The following DCBLD1 variants were observed in gnomAD, a reference collection of about 807,000 sequenced individuals.
DCBLD1 encodes discoidin, CUB and LCCL domain-containing protein 1.
Under a neutral mutation model 71.5 loss-of-function variants are expected in DCBLD1, and 57 were observed. The observed-to-expected ratio is 0.80, with a 90% CI of 0.64 to 0.99. DCBLD1 has a LOEUF of 0.99. DCBLD1 is among the 50% of genes least tolerant of loss of function. The pLI is 0.00. For missense variants in DCBLD1, 891 were observed against 923.5 expected, an observed-to-expected ratio of 0.96 and a Z score of 0.46; for synonymous variants, 380 against 363.8, an observed-to-expected ratio of 1.04 and a Z score of -0.51.
intron 2 of DCBLD1, among the ~76,000 whole-genome samples, chr6:117,506,826 A>G (rs1167515591): frequency 1.3e-5 from 2 of 152,242 alleles, no homozygotes; most frequent in Non-Finnish European, 2.9e-5. Flanking sequence ...TGCCTGAACC[A>G]GTAAAAGAAG....
chr6:117,505,303 A>T (rs1777801733), intron 2 of DCBLD1, among the ~76,000 whole-genome samples: 1 of 152,150 alleles, frequency 6.6e-6, no homozygotes, highest in Non-Finnish European at 1.5e-5. Flanking sequence ...ATGTGTATTA[A>T]CTTATGGAGG....
chr6:117,509,742 C>CTCCA (rs751117694), intron 2 of DCBLD1, among the ~76,000 whole-genome samples: 4 of 152,138 alleles, frequency 2.6e-5, no homozygotes, highest in Non-Finnish European at 5.9e-5. Flanking sequence ...AGAGGCTGAG[C>CTCCA]TCCAGCAGCA....
chr6:117,546,724 C>T (rs981931406), intron 14 of DCBLD1, among the ~76,000 whole-genome samples: 9 of 152,084 alleles, frequency 5.9e-5, no homozygotes, highest in Non-Finnish European at 1.2e-4. Context: ...TAAACAGTCC[C>T]ACACCCTCCC....
intron 14 of DCBLD1, among the ~76,000 whole-genome samples, chr6:117,546,915 C>A (rs1175521888): frequency 1.3e-5 from 2 of 152,212 alleles, no homozygotes; most frequent in East Asian, 1.9e-4. Flanking sequence ...CACAGATGCT[C>A]TGTGCATTCC....
At chr6:117,494,275 C>T (rs1459207674) in intron 1 of DCBLD1, among the ~76,000 whole-genome samples, 1 of 152,132 alleles carries the variant, frequency 6.6e-6, no homozygotes, top group Non-Finnish European at 1.5e-5. Context: ...CTCAGTTTAA[C>T]TTTGTCTTTA....
intron 12 of DCBLD1, among the ~76,000 whole-genome samples, chr6:117,543,867 A>G (rs1006126465): frequency 6.6e-6 from 1 of 152,194 alleles, no homozygotes; most frequent in Admixed American, 6.5e-5. Flanking sequence ...CTGTTTCCTT[A>G]TGTATAAAAT....
chr6:117,563,077 C>A, intron 14 of DCBLD1: 2 of 574,634 alleles, frequency 3.5e-6, no homozygotes, highest in South Asian at 2.2e-5. Context: ...TATGGTCTAC[C>A]ACAGAAAACA....
chr6:117,552,527 C>T (rs1299398577), downstream of DCBLD1, among the ~76,000 whole-genome samples: 1 of 152,070 alleles, frequency 6.6e-6, no homozygotes, highest in Non-Finnish European at 1.5e-5. Context: ...AAAGCTCTCC[C>T]TTTTTTTCTC....
chr6:117,486,607 A>G (rs79556315), intron 1 of DCBLD1, among the ~76,000 whole-genome samples: 4,629 of 152,300 alleles, frequency 0.03, 80 homozygotes, highest in Non-Finnish European at 0.037. Context: ...ACCTTTGCAC[A>G]TGCTGTTCTC....
At chr6:117,546,336 C>T (rs536571155) in intron 14 of DCBLD1, among the ~76,000 whole-genome samples, 24 of 152,232 alleles carry the variant, frequency 1.6e-4, no homozygotes, top group African/African-American at 4.8e-4. Context: ...AGTAGCACTG[C>T]GCTCTGGCTT....
Position 117,547,163 on chromosome 6 carries a change from C to T in DCBLD1, c.1616-744C>T, listed in dbSNP as rs368939617. On this transcript the variant is annotated intron_variant, in intron 14 of 14. Transcript: ENST00000338728. ...GTTACCTCTGAAAGTGCCAGTCTTT[C>T]GTTTCCCATAGAATTAAACCAGACT... Among the ~76,000 whole-genome samples the T allele has an allele frequency of 1.6e-4, 24 of 152,298 alleles. No individual in the cohort carries two copies. The East Asian group carries it at 4.4e-3, about 28-fold the overall frequency.
Position 117,540,769 on chromosome 6 carries a change from G to A in DCBLD1, c.1203G>A (p.Gln401=). Residue 401 remains glutamine, a synonymous_variant, in exon 10 of 15, where the codon CAG becomes CAA. Coordinates refer to ENST00000338728, the MANE Select transcript of DCBLD1 (RefSeq NM_001366458.2). ...GGGTTGTCCCCCAGACATGGCACCA[G>A]AGGATAGCCTTGAAGGTGGAGCTCA... ...YVRVVPQTWH[Q]RIALKVELIG... The A allele has an allele frequency of 2.5e-6, 4 of 1,614,242 alleles. No homozygotes were observed. The highest frequency in any genetic ancestry group is 3.4e-6 in the Non-Finnish European group (4 of 1,180,038).
intron 1 of DCBLD1, among the ~76,000 whole-genome samples, chr6:117,489,019 G>A (rs781463738): frequency 2.6e-5 from 4 of 152,144 alleles, no homozygotes; most frequent in Non-Finnish European, 5.9e-5. Context: ...GAAATGCCTT[G>A]TGTCTTGTAT....
chr6:117,530,251 T>A (rs1778671286), intron 5 of DCBLD1, among the ~76,000 whole-genome samples: 1 of 152,140 alleles, frequency 6.6e-6, no homozygotes, highest in African/African-American at 2.4e-5. Context: ...GTCCCGAACC[T>A]TTTTGGCAAC....
intron 6 of DCBLD1, among the ~76,000 whole-genome samples, chr6:117,536,265 CA>C (rs1778878159): frequency 6.6e-6 from 1 of 152,042 alleles, no homozygotes; most frequent in Non-Finnish European, 1.5e-5. Flanking sequence ...TTGGACACAA[CA>C]GGGGCATCTA....
At chr6:117,543,251 T>C (rs773401423) in intron 12 of DCBLD1, 40 bp downstream of exon 12, 11 of 1,594,510 alleles carry the variant, frequency 6.9e-6, no homozygotes, top group Admixed American at 1.7e-5. Context: ...TCTCTAATTA[T>C]GCGAACAATA....
intron 14 of DCBLD1, among the ~76,000 whole-genome samples, chr6:117,566,387 C>T (rs992542724): frequency 6.6e-6 from 1 of 152,070 alleles, no homozygotes; most frequent in African/African-American, 2.4e-5. Flanking sequence ...TAAATGATAG[C>T]AAAGGAACTA....
At chr6:117,549,871 A>G, downstream of DCBLD1, 2 of 985,320 alleles carry the variant, frequency 2.0e-6, no homozygotes, top group East Asian at 2.3e-4. Context: ...TTCTGTAAAA[A>G]GGCAGGTGCC....
intron 4 of DCBLD1, among the ~76,000 whole-genome samples, chr6:117,524,732 C>G (rs60558368): frequency 2.6e-5 from 4 of 152,020 alleles, no homozygotes; most frequent in African/African-American, 7.2e-5. Flanking sequence ...CTGTTTATTA[C>G]ATTTAGAAAT....
Sources: gnomAD v4.1 joint callset for allele counts (sites outside exome capture counted in the v4.1 genomes callset) on GRCh38, gnomAD v4.1.1 for gene constraint, MANE v1.5 for transcripts, NCBI Gene and HGNC (gene_info 2026-07-23, HGNC 2026-07-21) for gene names.